GLT1D1: variants seen among roughly 807,000 people sequenced by gnomAD.
The protein encoded by GLT1D1 is glycosyltransferase 1 domain containing 1.
Under a neutral mutation model 28.7 loss-of-function variants are expected in GLT1D1, and 21 were observed. The observed-to-expected ratio is 0.73, with a 90% confidence interval of 0.52 to 1.05. The LOEUF (loss-of-function observed/expected upper bound fraction) is 1.05, where lower values mean the gene tolerates loss of function less well. Ranked by LOEUF, GLT1D1 falls within the 50% of genes least tolerant of loss-of-function variation. GLT1D1 has a pLI of 0.00. For missense variants in GLT1D1, 343 were observed against 330.6 expected (o/e 1.04, Z -0.29); for synonymous variants, 147 against 124.8 (o/e 1.18, Z -1.19).
At chr12:128,967,893 G>A (rs1372217864) in intron 7 of GLT1D1, among the ~76,000 whole-genome samples, 1 of 152,260 alleles carries the variant, frequency 6.6e-6, no homozygotes, top group Non-Finnish European at 1.5e-5. Context: ...CCGAGATGCA[G>A]ATCCTGCTGC....
intron 4 of GLT1D1, among the ~76,000 whole-genome samples, chr12:128,941,881 C>T (rs1207408081): frequency 2.7e-5 from 4 of 148,772 alleles, no homozygotes; most frequent in African/African-American, 5.0e-5. Context: ...CATGAGCCAC[C>T]GTGCCTGGTC....
chr12:128,967,048 T>C (rs1354667619), intron 7 of GLT1D1, among the ~76,000 whole-genome samples: 7 of 152,254 alleles, frequency 4.6e-5, no homozygotes, highest in African/African-American at 1.7e-4. Context: ...TGACATTTAA[T>C]AGAAGCTGTG....
intron 6 of GLT1D1, among the ~76,000 whole-genome samples, chr12:128,949,581 C>A (rs1439908509): frequency 6.6e-6 from 1 of 152,140 alleles, no homozygotes; most frequent in Non-Finnish European, 1.5e-5. Context: ...TGATAAACTC[C>A]AAAAATCAAA....
intron 2 of GLT1D1, among the ~76,000 whole-genome samples, chr12:128,885,696 A>T (rs779605533): frequency 2.0e-5 from 3 of 152,160 alleles, no homozygotes; most frequent in Non-Finnish European, 2.9e-5. Context: ...GACATATATG[A>T]GTTATTGCTG....
chr12:128,952,640 ATT>A (rs1263729629), intron 6 of GLT1D1, among the ~76,000 whole-genome samples: 7 of 126,128 alleles, frequency 5.5e-5, no homozygotes, highest in Admixed American at 1.6e-4. Context: ...CTAATTTTGT[ATT>A]TTTTTTTTTT....
intron 3 of GLT1D1, among the ~76,000 whole-genome samples, chr12:128,889,815 C>G (rs1415674621): frequency 1.3e-5 from 2 of 152,236 alleles, no homozygotes; most frequent in Non-Finnish European, 2.9e-5. Context: ...CATTCCGTTG[C>G]CCAGGCTGGA....
rs377080982 is a variant in GLT1D1, at chr12:128,888,755, C to G, written c.323+11C>G. The stretch of plus-strand genomic sequence containing the variant: ...TCTTGAGGAAGCCAGGTAATACCTG[C>G]GAGAATTTCATCCATGCCAAACATT... On this transcript the variant is annotated intron_variant, in intron 3 of 7. Coordinates refer to ENST00000281703, the MANE Select transcript of GLT1D1 (RefSeq NM_144669.3). 2.0e-6 allele frequency: 3 copies of G among 1,521,154 alleles called. No individual in the cohort carries two copies. The highest frequency in any genetic ancestry group is 2.7e-6 in the Non-Finnish European group (3 of 1,098,080). The allele number at this position is 1,521,154 out of a possible 1,614,324, so 94.2% of individuals were successfully genotyped here.
intron 1 of GLT1D1, among the ~76,000 whole-genome samples, chr12:128,863,378 A>T (rs12821882): frequency 1.2e-4 from 9 of 78,046 alleles, no homozygotes; most frequent in Admixed American, 7.4e-4. Flanking sequence ...ATAATTTATT[A>T]TTTTTTTTTT....
chr12:128,919,861 G>A (rs1027098190), intron 4 of GLT1D1, among the ~76,000 whole-genome samples: 2 of 151,938 alleles, frequency 1.3e-5, no homozygotes, highest in South Asian at 2.1e-4. Context: ...AACCTAAAAC[G>A]TATGAAAGCT....
At chr12:128,940,140 G>C (rs1167303718) in intron 4 of GLT1D1, among the ~76,000 whole-genome samples, 2 of 151,404 alleles carry the variant, frequency 1.3e-5, no homozygotes, top group Non-Finnish European at 2.9e-5. Flanking sequence ...GTATTGTATT[G>C]GTATTTTGTA....
intron 6 of GLT1D1, among the ~76,000 whole-genome samples, chr12:128,956,779 T>G (rs1179971179): frequency 2.6e-5 from 4 of 152,234 alleles, no homozygotes; most frequent in Non-Finnish European, 4.4e-5. Context: ...TTTTTGAAAT[T>G]TAGTGTGTTA....
intron 4 of GLT1D1, among the ~76,000 whole-genome samples, chr12:128,936,497 T>G (rs1294476077): frequency 6.6e-6 from 1 of 152,248 alleles, no homozygotes; most frequent in Non-Finnish European, 1.5e-5. Flanking sequence ...TGCTTTGACA[T>G]GCTGAGATTC....
rs138406719 is a variant in GLT1D1, at chr12:128,947,232, C to T, written c.420-106C>T. Reference sequence around the variant, plus strand: ...CTGAACGCTTGGTCAACAATGCTTACTTGCTGATCTAGAGTATTACACCCA... The same window carrying T: ...CTGAACGCTTGGTCAACAATGCTTATTTGCTGATCTAGAGTATTACACCCA... On this transcript the variant is annotated intron_variant, in intron 5 of 7. Transcript: ENST00000281703. The T allele has an allele frequency of 3.0e-4, 383 of 1,278,574 alleles. No individual in the cohort carries two copies. The Admixed American group carries it at 6.3e-3, about 21-fold the overall frequency. The allele number at this position is 1,278,574 out of a possible 1,614,324, so 79.2% of individuals were successfully genotyped here.
At chr12:128,968,958 T>C (rs1227188540) in intron 7 of GLT1D1, among the ~76,000 whole-genome samples, 1 of 152,080 alleles carries the variant, frequency 6.6e-6, no homozygotes, top group Non-Finnish European at 1.5e-5. Context: ...GCCCCGTCTT[T>C]CCTGCTGTGC....
rs61317527 is a variant in GLT1D1 at position 128,973,919 on chromosome 12, GGT to G, written c.640-8995_640-8994del. Among the ~76,000 whole-genome samples, 75 of 100,996 alleles carry G rather than the reference GGT, an allele frequency of 7.4e-4. 1 individual carries two copies. The highest frequency in any genetic ancestry group is 2.6e-3 in the Admixed American group (26 of 9,838). 66.3% of individuals were successfully genotyped at this position (100,996 alleles called of 152,430 possible). A position where few individuals can be genotyped will look rare whatever the true frequency, so the allele number is the denominator to read the frequency against. The stretch of plus-strand genomic sequence containing the variant: ...GTGTGTGTAGGGGGTGTGTGTAGGG[GGT>G]GTGTGTGTGTGTGTAGGGTGTGTGT... On this transcript the variant is annotated intron_variant, in intron 7 of 7. Coordinates refer to ENST00000281703, the MANE Select transcript of GLT1D1 (RefSeq NM_144669.3).
At chr12:128,969,408 C>T (rs1251127485) in intron 7 of GLT1D1, among the ~76,000 whole-genome samples, 1 of 152,270 alleles carries the variant, frequency 6.6e-6, no homozygotes, top group South Asian at 2.1e-4. Context: ...ATTTCTGAGC[C>T]CCACCCTGGG....
intron 4 of GLT1D1, among the ~76,000 whole-genome samples, chr12:128,905,337 C>T (rs1317342595): frequency 2.0e-5 from 3 of 152,214 alleles, no homozygotes; most frequent in Non-Finnish European, 4.4e-5. Flanking sequence ...CACGTGGCCA[C>T]GTGTGGCGAG....
intron 2 of GLT1D1, among the ~76,000 whole-genome samples, chr12:128,884,032 A>C (rs1443571387): frequency 2.0e-5 from 3 of 152,178 alleles, no homozygotes; most frequent in African/African-American, 7.2e-5. Context: ...GAAAAATAGA[A>C]CTACCGTAGG....
chr12:128,948,788 A>T (rs866968598), intron 6 of GLT1D1, among the ~76,000 whole-genome samples: 1 of 152,212 alleles, frequency 6.6e-6, no homozygotes, highest in Non-Finnish European at 1.5e-5. Context: ...TAGGAAAAAA[A>T]TCCTCTCCTT....
Sources: allele counts gnomAD v4.1 joint callset (sites outside exome capture counted in the v4.1 genomes callset), GRCh38; gene constraint gnomAD v4.1.1; transcripts MANE v1.5; gene names NCBI Gene and HGNC (gene_info 2026-07-23, HGNC 2026-07-21).